Variants in DLG2 observed in about 807,000 individuals in gnomAD.
DLG2 encodes the protein discs large MAGUK scaffold protein 2.
DLG2 carries 45 observed loss-of-function variants against 132.5 expected under a neutral mutation model. The ratio of observed to expected loss-of-function variants is 0.34; its 90% CI spans 0.27 to 0.44. The LOEUF is 0.44. Ranked by LOEUF, DLG2 falls within the 20% of genes least tolerant of loss-of-function variation. The pLI is 1.00. For missense variants in DLG2, 1,045 were observed against 1,196.9 expected (o/e 0.87, Z 1.87); for synonymous variants, 424 against 419.6 (o/e 1.01, Z -0.13).
chr11:85,588,675 T>C (rs2079117219), intron 3 of DLG2, among the ~76,000 whole-genome samples: 2 of 152,150 alleles, frequency 1.3e-5, no homozygotes, highest in African/African-American at 4.8e-5. Context: ...ATTCTTTATC[T>C]GGCAATTCAG....
chr11:85,428,040 A>G (rs1775217522), intron 3 of DLG2, among the ~76,000 whole-genome samples: 1 of 152,222 alleles, frequency 6.6e-6, no homozygotes, highest in Admixed American at 6.5e-5. Context: ...AGGCCATTAC[A>G]TAATGGTAAA....
At chr11:84,422,603 T>C (rs1485490566) in intron 7 of DLG2, among the ~76,000 whole-genome samples, 2 of 152,206 alleles carry the variant, frequency 1.3e-5, no homozygotes, top group East Asian at 3.8e-4. Context: ...ATTTTATTCA[T>C]GATTGGGCAC....
intron 3 of DLG2, among the ~76,000 whole-genome samples, chr11:85,406,027 T>C (rs895446083): frequency 1.3e-5 from 2 of 151,920 alleles, no homozygotes; most frequent in Non-Finnish European, 2.9e-5. Flanking sequence ...ACAGTTATCA[T>C]CTAATCACTA....
At chr11:85,575,423 C>A (rs1442982397) in intron 3 of DLG2, among the ~76,000 whole-genome samples, 2 of 151,676 alleles carry the variant, frequency 1.3e-5, no homozygotes, top group East Asian at 3.9e-4. Flanking sequence ...GTGGTCCCAG[C>A]CACTTGGGAG....
intron 4 of DLG2, among the ~76,000 whole-genome samples, chr11:85,254,794 A>T (rs1441701184): frequency 3.3e-5 from 5 of 152,038 alleles, no homozygotes; most frequent in Non-Finnish European, 5.9e-5. Context: ...AGGTCAGGAG[A>T]TCAAGACCAT....
At chr11:84,414,908 C>T (rs1477875028) in intron 7 of DLG2, among the ~76,000 whole-genome samples, 1 of 152,084 alleles carries the variant, frequency 6.6e-6, no homozygotes, top group African/African-American at 2.4e-5. Flanking sequence ...AAGTGAAAGA[C>T]CTTTTTCAAG....
chr11:85,421,968 A>G (rs1195675096), intron 3 of DLG2, among the ~76,000 whole-genome samples: 1 of 152,130 alleles, frequency 6.6e-6, no homozygotes, highest in African/African-American at 2.4e-5. Flanking sequence ...TGGATACACA[A>G]TTTTTGGCTG....
intron 3 of DLG2, among the ~76,000 whole-genome samples, chr11:85,540,732 C>T (rs2075908001): frequency 6.6e-6 from 1 of 152,338 alleles, no homozygotes; most frequent in East Asian, 1.9e-4. Context: ...CACACACCCA[C>T]TGGGACTTCG....
At chr11:85,408,646 GT>G (rs2089012779) in intron 3 of DLG2, among the ~76,000 whole-genome samples, 1 of 149,666 alleles carries the variant, frequency 6.7e-6, no homozygotes, top group South Asian at 2.1e-4. Context: ...AACATGCGGT[GT>G]TTGGTTTTTT....
At chr11:84,273,216 G>A in intron 7 of DLG2, 1 of 1,561,534 alleles carries the variant, frequency 6.4e-7, no homozygotes, top group South Asian at 1.2e-5. Flanking sequence ...TCCCACAAAA[G>A]CTGATAATTC....
chr11:83,821,847 T>C (rs1445200181), intron 17 of DLG2, among the ~76,000 whole-genome samples: 1 of 152,190 alleles, frequency 6.6e-6, no homozygotes, highest in Non-Finnish European at 1.5e-5. Context: ...ATCATTTCCA[T>C]CAACATATAA....
chr11:84,556,383 A>T (rs921550392), intron 6 of DLG2, among the ~76,000 whole-genome samples: 4 of 152,120 alleles, frequency 2.6e-5, no homozygotes, highest in Admixed American at 6.5e-5. Context: ...CCTGACTCGT[A>T]TTTCTGTTTT....
At chr11:85,469,393 G>A (rs570998617) in intron 3 of DLG2, 2 of 152,348 alleles carry the variant, frequency 1.3e-5, no homozygotes, top group East Asian at 1.9e-4. Context: ...AGTAGCATAT[G>A]TGTAAGTTCA....
chr11:84,584,726 T>C (rs1248988928), intron 6 of DLG2, among the ~76,000 whole-genome samples: 1 of 124,736 alleles, frequency 8.0e-6, no homozygotes, highest in East Asian at 2.8e-4. Context: ...TCTCGCTCTG[T>C]CGCCCAGGCT....
intron 18 of DLG2, among the ~76,000 whole-genome samples, chr11:83,704,614 C>T (rs967656084): frequency 4.9e-5 from 7 of 143,190 alleles, no homozygotes; most frequent in East Asian, 4.0e-4. Flanking sequence ...GTCAGGAGTT[C>T]GAGACCAGCC....
intron 7 of DLG2, among the ~76,000 whole-genome samples, chr11:84,314,049 G>T (rs2098329897): frequency 6.6e-6 from 1 of 152,188 alleles, no homozygotes; most frequent in South Asian, 2.1e-4. Flanking sequence ...CAAATAACAG[G>T]AGTTTGGAAA....
intron 21 of DLG2, among the ~76,000 whole-genome samples, chr11:83,488,665 T>G (rs1669778005): frequency 6.6e-6 from 1 of 152,030 alleles, no homozygotes. Context: ...ATCTTAGTAA[T>G]ACAGGTGTTC....
intron 6 of DLG2, among the ~76,000 whole-genome samples, chr11:85,014,345 G>C (rs977226588): frequency 2.6e-5 from 4 of 152,162 alleles, no homozygotes; most frequent in Non-Finnish European, 5.9e-5. Context: ...ATATGTTTTA[G>C]TTCCTTGTAA....
At chr11:84,142,969 C>G (rs1167393788) in intron 9 of DLG2, among the ~76,000 whole-genome samples, 1 of 152,026 alleles carries the variant, frequency 6.6e-6, no homozygotes, top group Non-Finnish European at 1.5e-5. Context: ...TTCTTTTTCT[C>G]TGGAGACTCT....
Sources: gnomAD v4.1 joint callset for allele counts (sites outside exome capture counted in the v4.1 genomes callset) on GRCh38, gnomAD v4.1.1 for gene constraint, MANE v1.5 for transcripts, NCBI Gene and HGNC (gene_info 2026-07-23, HGNC 2026-07-21) for gene names.